CCDC7: variants seen among roughly 807,000 people sequenced by gnomAD.
The protein encoded by CCDC7 is coiled-coil domain containing 7.
CCDC7 carries 183 observed loss-of-function variants against 196.9 expected under a neutral mutation model. The observed-to-expected ratio is 0.93, with a 90% CI of 0.82 to 1.05. The LOEUF (loss-of-function observed/expected upper bound fraction) is 1.05. CCDC7 is among the 50% of genes least tolerant of loss of function. CCDC7 has a pLI of 0.00. For synonymous variants in CCDC7, 525 were observed against 484.6 expected, an observed-to-expected ratio of 1.08 and a Z score of -1.10; for missense variants, 1,540 against 1,482.2, an observed-to-expected ratio of 1.04 and a Z score of -0.64.
At chr10:32,623,845 G>A (rs770186492) in intron 18 of CCDC7, 15 of 465,052 alleles carry the variant, frequency 3.2e-5, no homozygotes, top group South Asian at 2.1e-4. Context: ...AGAGTAATGG[G>A]AGAGGTGCTA....
At chr10:32,454,729 A>G (rs1317952306) in intron 2 of CCDC7, among the ~76,000 whole-genome samples, 1 of 152,012 alleles carries the variant, frequency 6.6e-6, no homozygotes, top group Non-Finnish European at 1.5e-5. Context: ...ATTTTATTTC[A>G]CATCAACCAC....
At chr10:32,518,964 G>A (rs759786692) in intron 11 of CCDC7, among the ~76,000 whole-genome samples, 26 of 151,988 alleles carry the variant, frequency 1.7e-4, no homozygotes, top group Non-Finnish European at 2.9e-4. Flanking sequence ...TCAAACTACA[G>A]ACAATAAAGT....
chr10:32,607,440 A>G (rs541163319), intron 18 of CCDC7, among the ~76,000 whole-genome samples: 5 of 152,322 alleles, frequency 3.3e-5, no homozygotes, highest in African/African-American at 1.2e-4. Context: ...ACTTTTCCCC[A>G]TTCAGTATAA....
intron 41 of CCDC7, among the ~76,000 whole-genome samples, chr10:32,857,647 C>T (rs1241705216): frequency 6.6e-6 from 1 of 151,816 alleles, no homozygotes. Flanking sequence ...AAGAGGGAAG[C>T]TTATAGCAAT....
chr10:32,881,004 G>A (rs908340297), downstream of CCDC7, among the ~76,000 whole-genome samples: 1 of 152,212 alleles, frequency 6.6e-6, no homozygotes, highest in African/African-American at 2.4e-5. Context: ...ATCAACAGAA[G>A]TGACTAGTAA....
rs1252989908 is a variant in CCDC7, at chr10:32,860,706, TTCAGCAAAGTC to T, written c.4111+6222_4111+6232del. Among the ~76,000 whole-genome samples, 360 of 152,290 alleles carry T rather than the reference TTCAGCAAAGTC, an allele frequency of 2.4e-3. 2 individuals carry two copies. Among genetic ancestry groups the T allele is most frequent in the African/African-American group, 8.2e-3 (342 of 41,570 alleles). ...AAATCTCCTTAAGCTGATAAGCAAC[TTCAGCAAAGTC>T]TCAGGATAAAAAAGCAATGTGCAAA... On this transcript the variant is annotated intron_variant, in intron 41 of 41. Transcript: ENST00000639629.
intron 9 of CCDC7, among the ~76,000 whole-genome samples, chr10:32,505,705 G>C (rs925675425): frequency 2.6e-5 from 4 of 152,144 alleles, no homozygotes; most frequent in African/African-American, 9.7e-5. Flanking sequence ...CTTCGGAGCT[G>C]TTGGGTACAC....
At chr10:32,634,213 T>C in intron 18 of CCDC7, 41 bp from the exon 20 acceptor site, 2 of 863,880 alleles carry the variant, frequency 2.3e-6, no homozygotes, top group Non-Finnish European at 3.1e-6. Flanking sequence ...ACAATAGAGC[T>C]CTTTCTCTAT....
At chr10:32,704,930 G>A (rs897142884) in intron 24 of CCDC7, among the ~76,000 whole-genome samples, 4 of 152,134 alleles carry the variant, frequency 2.6e-5, no homozygotes, top group African/African-American at 7.2e-5. Flanking sequence ...CCTTGGCTAG[G>A]AAAGGGAATT....
At chr10:32,571,955 A>T (rs954164671) in intron 16 of CCDC7, 62 bp downstream of exon 17, 460 of 1,405,976 alleles carry the variant, frequency 3.3e-4, no homozygotes, top group Non-Finnish European at 4.0e-4. Context: ...CACATACCTA[A>T]GCAATGAAAA....
intron 8 of CCDC7, among the ~76,000 whole-genome samples, chr10:32,490,622 C>G (rs1332067938): frequency 3.3e-5 from 5 of 152,034 alleles, no homozygotes; most frequent in Non-Finnish European, 5.9e-5. Flanking sequence ...CAGTGAAACC[C>G]TGTCTCTACT....
chr10:32,836,031 G>A (rs558217478), intron 33 of CCDC7, among the ~76,000 whole-genome samples: 1 of 152,156 alleles, frequency 6.6e-6, no homozygotes, highest in East Asian at 1.9e-4. Context: ...CAATATCTCA[G>A]CTACAGTAAA....
chr10:32,575,185 G>A (rs2058052555), intron 16 of CCDC7, among the ~76,000 whole-genome samples: 1 of 152,116 alleles, frequency 6.6e-6, no homozygotes, highest in Admixed American at 6.5e-5. Context: ...TAACAATGAA[G>A]AAAAGGCATT....
chr10:32,563,892 A>T (rs934553394), intron 13 of CCDC7, among the ~76,000 whole-genome samples: 12 of 152,104 alleles, frequency 7.9e-5, no homozygotes, highest in Admixed American at 1.3e-4. Flanking sequence ...AATTTTCGCA[A>T]CCTACTTATC....
At chr10:32,469,444 A>G (rs1337520738) in intron 5 of CCDC7, among the ~76,000 whole-genome samples, 1 of 152,212 alleles carries the variant, frequency 6.6e-6, no homozygotes, top group Non-Finnish European at 1.5e-5. Context: ...ACTACATGGC[A>G]GAGAAGTCTG....
At chr10:32,561,047 A>G (rs910221877) in intron 13 of CCDC7, among the ~76,000 whole-genome samples, 9 of 20,086 alleles carry the variant, frequency 4.5e-4, no homozygotes, top group African/African-American at 4.9e-4. Context: ...CAGACTTTAA[A>G]CCACAAAGAT....
chr10:32,585,993 A>G (rs1183853497), intron 18 of CCDC7, among the ~76,000 whole-genome samples: 1 of 152,204 alleles, frequency 6.6e-6, no homozygotes, highest in Non-Finnish European at 1.5e-5. Flanking sequence ...TCCCACCAAC[A>G]GTGTAAAAGC....
chr10:32,591,930 A>T (rs1386531338), intron 18 of CCDC7, among the ~76,000 whole-genome samples: 2 of 152,120 alleles, frequency 1.3e-5, no homozygotes, highest in Non-Finnish European at 2.9e-5. Flanking sequence ...CATGGTACCT[A>T]AGCTGTTTTT....
chr10:32,820,098 G>T (rs2089846278), intron 31 of CCDC7, among the ~76,000 whole-genome samples: 1 of 152,200 alleles, frequency 6.6e-6, no homozygotes, highest in Admixed American at 6.5e-5. Flanking sequence ...TCCTTAAGCT[G>T]AGAGGCAACT....
Sources: gnomAD v4.1 joint callset for allele counts (sites outside exome capture counted in the v4.1 genomes callset) on GRCh38, gnomAD v4.1.1 for gene constraint, MANE v1.5 for transcripts, NCBI Gene and HGNC (gene_info 2026-07-23, HGNC 2026-07-21) for gene names.